The following ADAMTSL1 variants were observed in gnomAD, a reference collection of about 807,000 sequenced individuals.
ADAMTSL1 encodes the protein ADAMTS like 1.
A neutral mutation model predicts 201.8 loss-of-function variants in ADAMTSL1; 126 were observed. The ratio of observed to expected loss-of-function variants is 0.62; its 90% confidence interval spans 0.54 to 0.72. The LOEUF (loss-of-function observed/expected upper bound fraction) is 0.72. Among genes scored for constraint, ADAMTSL1 ranks in the 30% least tolerant of loss-of-function variants. The pLI is 0.00. For missense variants in ADAMTSL1, 2,679 were observed against 2,277.8 expected (o/e 1.18, Z -3.59); for synonymous variants, 1,121 against 903.4 (o/e 1.24, Z -4.32).
At chr9:18,337,119 C>T (rs941693445) in intron 2 of ADAMTSL1, among the ~76,000 whole-genome samples, 9 of 152,074 alleles carry the variant, frequency 5.9e-5, no homozygotes, top group African/African-American at 1.9e-4. Flanking sequence ...CACAGACCCA[C>T]CCTCAATCTG....
At chr9:18,231,121 C>T (rs1031060821) in intron 2 of ADAMTSL1, among the ~76,000 whole-genome samples, 11 of 152,146 alleles carry the variant, frequency 7.2e-5, no homozygotes, top group East Asian at 1.9e-4. Flanking sequence ...TTGCAACCCC[C>T]GGGCTTTTTA....
chr9:18,303,913 C>T (rs73428946), intron 2 of ADAMTSL1, among the ~76,000 whole-genome samples: 10,399 of 152,120 alleles, frequency 0.068, 1,137 homozygotes, highest in African/African-American at 0.23. Context: ...CTTTCACTTC[C>T]TCCTTTCTCT....
intron 1 of ADAMTSL1, among the ~76,000 whole-genome samples, chr9:18,091,095 G>A (rs894645598): frequency 6.6e-6 from 1 of 151,416 alleles, no homozygotes. Flanking sequence ...GTGTGTGTGT[G>A]TACCTAACTT....
intron 2 of ADAMTSL1, among the ~76,000 whole-genome samples, chr9:18,514,678 T>C (rs1420348143): frequency 2.0e-5 from 3 of 152,188 alleles, no homozygotes; most frequent in African/African-American, 7.2e-5. Context: ...TCAATTTGTT[T>C]ATTAGTCTTT....
At chr9:18,833,016 A>G (rs7039188) in intron 23 of ADAMTSL1, among the ~76,000 whole-genome samples, 104,791 of 152,086 alleles carry the variant, frequency 0.69, 36,418 homozygotes, top group Non-Finnish European at 0.75. Flanking sequence ...AGGTGAGACT[A>G]TTCCAGAACT....
intron 2 of ADAMTSL1, among the ~76,000 whole-genome samples, chr9:18,523,897 T>A (rs1818868638): frequency 7.4e-6 from 1 of 134,576 alleles, no homozygotes; most frequent in Non-Finnish European, 1.6e-5. Flanking sequence ...CTTTGTTCGT[T>A]TGGCTTAGGA....
chr9:18,054,088 T>A (rs943857315), intron 1 of ADAMTSL1, among the ~76,000 whole-genome samples: 7 of 152,216 alleles, frequency 4.6e-5, no homozygotes, highest in African/African-American at 1.4e-4. Context: ...TAAAACTATT[T>A]GCCCATATCT....
intron 2 of ADAMTSL1, among the ~76,000 whole-genome samples, chr9:18,172,028 A>T (rs1827918426): frequency 1.3e-5 from 2 of 151,730 alleles, no homozygotes; most frequent in African/African-American, 4.8e-5. Flanking sequence ...TAACACAAGA[A>T]CAGAAAACCA....
At chr9:18,713,585 C>G (rs1254793319) in intron 14 of ADAMTSL1, among the ~76,000 whole-genome samples, 1 of 150,534 alleles carries the variant, frequency 6.6e-6, no homozygotes, top group Non-Finnish European at 1.5e-5. Flanking sequence ...ACAGGAGCAC[C>G]CAGATTCATA....
chr9:18,843,031 G>C (rs1398281694), intron 23 of ADAMTSL1, among the ~76,000 whole-genome samples: 1 of 151,950 alleles, frequency 6.6e-6, no homozygotes, highest in Non-Finnish European at 1.5e-5. Context: ...TTAGTCCATT[G>C]ACATTTAAAG....
At chr9:18,448,169 G>T (rs1820269932) in intron 2 of ADAMTSL1, among the ~76,000 whole-genome samples, 1 of 152,116 alleles carries the variant, frequency 6.6e-6, no homozygotes. Context: ...GAACCACTCT[G>T]GGTATTTTGT....
At chr9:18,247,899 C>G (rs1459128704) in intron 2 of ADAMTSL1, among the ~76,000 whole-genome samples, 2 of 151,912 alleles carry the variant, frequency 1.3e-5, no homozygotes, top group Non-Finnish European at 2.9e-5. Flanking sequence ...GGATTGGATA[C>G]TAAGGTAGGA....
chr9:18,559,615 C>T (rs760149185), intron 3 of ADAMTSL1, among the ~76,000 whole-genome samples: 8 of 152,102 alleles, frequency 5.3e-5, no homozygotes, highest in Admixed American at 2.6e-4. Flanking sequence ...GCCATTTTCA[C>T]GATATTGATT....
chr9:18,156,627 C>G (rs1306746930), intron 1 of ADAMTSL1, among the ~76,000 whole-genome samples: 1 of 96,712 alleles, frequency 1.0e-5, no homozygotes, highest in African/African-American at 3.4e-5. Flanking sequence ...AAAGCACAGA[C>G]ATAAACACAT....
intron 1 of ADAMTSL1, among the ~76,000 whole-genome samples, chr9:18,013,290 C>T (rs1293525773): frequency 6.6e-6 from 1 of 152,022 alleles, no homozygotes; most frequent in Non-Finnish European, 1.5e-5. Context: ...AGAAATTTGA[C>T]TTCTGCCCAA....
intron 2 of ADAMTSL1, among the ~76,000 whole-genome samples, chr9:18,356,967 A>T (rs1836276655): frequency 6.6e-6 from 1 of 152,108 alleles, no homozygotes; most frequent in African/African-American, 2.4e-5. Context: ...TCCTATAACA[A>T]TTTCTTAGTA....
chr9:18,781,001 G>A (rs1033088659), intron 19 of ADAMTSL1, among the ~76,000 whole-genome samples: 33 of 151,962 alleles, frequency 2.2e-4, no homozygotes. Context: ...ACAATTTTTC[G>A]GCTTAGTAAT....
intron 1 of ADAMTSL1, among the ~76,000 whole-genome samples, chr9:18,006,015 C>T (rs1458693514): frequency 1.3e-5 from 2 of 151,516 alleles, no homozygotes; most frequent in African/African-American, 4.9e-5. Flanking sequence ...GTAAACTACA[C>T]AATGGTAAAG....
intron 2 of ADAMTSL1, among the ~76,000 whole-genome samples, chr9:18,442,031 G>T (rs1208387145): frequency 6.6e-6 from 1 of 152,176 alleles, no homozygotes; most frequent in Non-Finnish European, 1.5e-5. Flanking sequence ...CCTAACAATT[G>T]TGAATAAAGT....
Sources: allele counts gnomAD v4.1 joint callset (sites outside exome capture counted in the v4.1 genomes callset), GRCh38; gene constraint gnomAD v4.1.1; transcripts MANE v1.5; gene names NCBI Gene and HGNC (gene_info 2026-07-23, HGNC 2026-07-21).